The following CCDC148 variants were observed in gnomAD, a reference collection of about 807,000 sequenced individuals.
CCDC148 encodes the protein coiled-coil domain containing 148.
Under a neutral mutation model 85.7 loss-of-function variants are expected in CCDC148, and 89 were observed. The ratio of observed to expected loss-of-function variants is 1.04; its 90% CI spans 0.87 to 1.24. CCDC148 has a LOEUF of 1.24. Ranked by LOEUF, CCDC148 falls within the 50% of genes most tolerant of loss-of-function variation. The pLI is 0.00. For missense variants in CCDC148, 692 were observed against 671.7 expected (o/e 1.03, Z -0.33); for synonymous variants, 230 against 213.9 (o/e 1.08, Z -0.66).
intron 9 of CCDC148, among the ~76,000 whole-genome samples, chr2:158,285,957 T>A (rs1356558678): frequency 6.6e-6 from 1 of 151,982 alleles, no homozygotes; most frequent in Non-Finnish European, 1.5e-5. Flanking sequence ...AGCAAGGCAA[T>A]AAAAATAAGT....
intron 11 of CCDC148, among the ~76,000 whole-genome samples, chr2:158,211,750 CT>C (rs1686589521): frequency 6.6e-6 from 1 of 152,230 alleles, no homozygotes; most frequent in East Asian, 1.9e-4. Context: ...TCCAAGACCT[CT>C]TGAATGACCT....
intron 11 of CCDC148, among the ~76,000 whole-genome samples, chr2:158,196,027 C>G (rs1394931187): frequency 1.3e-5 from 2 of 152,130 alleles, no homozygotes; most frequent in African/African-American, 4.8e-5. Context: ...CTTCCATCAG[C>G]TGGGGTGCCT....
chr2:158,350,883 C>G (rs2105255838), intron 2 of CCDC148, among the ~76,000 whole-genome samples: 1 of 152,088 alleles, frequency 6.6e-6, no homozygotes, highest in African/African-American at 2.4e-5. Flanking sequence ...TTTATCATTT[C>G]TTTGTGGGGA....
At chr2:158,219,980 CTA>C (rs1056665014) in intron 11 of CCDC148, among the ~76,000 whole-genome samples, 1 of 152,136 alleles carries the variant, frequency 6.6e-6, no homozygotes, top group Non-Finnish European at 1.5e-5. Context: ...GTTCAAATTA[CTA>C]TATGTTTTTT....
chr2:158,251,009 C>CT (rs1688771826), intron 9 of CCDC148, 97 bp from the exon 10 acceptor site: 2 of 1,094,504 alleles, frequency 1.8e-6, no homozygotes, highest in African/African-American at 1.6e-5. Context: ...GCAGATGTCA[C>CT]TTTTTTTCCA....
At chr2:158,264,633 T>C (rs2105155925) in intron 9 of CCDC148, among the ~76,000 whole-genome samples, 1 of 151,970 alleles carries the variant, frequency 6.6e-6, no homozygotes, top group African/African-American at 2.4e-5. Context: ...AATGTAAAAT[T>C]AAGGGGCTAT....
Position 158,358,570 on chromosome 2 carries a change from T to C in CCDC148, c.26A>G (p.Asp9Gly). ...ATTTTTCATATGGAATACCAGATTA[T>C]CTATTAGTCATAAAAATAGAAAAAT... MCAASASP[D>G]NLVFHMKNEM... Residue 9 changes from aspartate to glycine, a missense_variant and splice_region_variant, in exon 2 of 14, where the codon GAT becomes GGT. Coordinates refer to ENST00000283233, the MANE Select transcript of CCDC148 (RefSeq NM_138803.4). The C allele has an allele frequency of 6.5e-7, 1 of 1,546,432 alleles. No individual in the cohort carries two copies.
At chr2:158,429,238 A>G (rs1441526429) in intron 1 of CCDC148, among the ~76,000 whole-genome samples, 2 of 152,166 alleles carry the variant, frequency 1.3e-5, no homozygotes, top group Non-Finnish European at 2.9e-5. Flanking sequence ...ATACTTACGT[A>G]ACAAACCTGC....
chr2:158,172,020 A>G lies in CCDC148; in HGVS notation c.*93T>C. On this transcript the variant is annotated 3_prime_UTR_variant, in exon 14 of 14. Transcript: ENST00000283233. ...AGATGCTATGATTTCTATGTCTGAT[A>G]TTTCAAACATTTTAGAAAGTAGTAA... 1 of 984,554 alleles carries G rather than the reference A, an allele frequency of 1.0e-6. No individual in the cohort carries two copies. Among genetic ancestry groups the G allele is most frequent in the Non-Finnish European group, 1.5e-6 (1 of 688,290 alleles). 61.0% of individuals were successfully genotyped at this position (984,554 alleles called of 1,614,324 possible).
At chr2:158,442,728 C>T (rs1274388601) in intron 1 of CCDC148, among the ~76,000 whole-genome samples, 1 of 152,256 alleles carries the variant, frequency 6.6e-6, no homozygotes, top group South Asian at 2.1e-4. Context: ...CCAGCCTGCG[C>T]TGAAGTCACT....
intron 10 of CCDC148, among the ~76,000 whole-genome samples, chr2:158,250,510 CTTTT>C (rs11338184): frequency 0.048 from 7,024 of 145,386 alleles, 568 homozygotes; most frequent in African/African-American, 0.17. Flanking sequence ...ACAACCTTGT[CTTTT>C]TTTTTTTTTT....
chr2:158,261,830 G>A (rs1352308188), intron 9 of CCDC148, among the ~76,000 whole-genome samples: 1 of 152,036 alleles, frequency 6.6e-6, no homozygotes, highest in African/African-American at 2.4e-5. Flanking sequence ...TCTCACACCA[G>A]TCACAATGGC....
intron 2 of CCDC148, among the ~76,000 whole-genome samples, chr2:158,348,104 T>C (rs1458435771): frequency 6.6e-6 from 1 of 152,088 alleles, no homozygotes; most frequent in Non-Finnish European, 1.5e-5. Context: ...TCCTGTGACC[T>C]AGCAAATTCA....
At chr2:158,215,359 G>T (rs908236359) in intron 11 of CCDC148, among the ~76,000 whole-genome samples, 5 of 152,072 alleles carry the variant, frequency 3.3e-5, no homozygotes, top group African/African-American at 9.7e-5. Context: ...GTATCATTTT[G>T]AAGTTTGTGC....
chr2:158,310,999 C>T (rs879220136), intron 8 of CCDC148, among the ~76,000 whole-genome samples: 3 of 151,966 alleles, frequency 2.0e-5, no homozygotes, highest in Admixed American at 1.3e-4. Flanking sequence ...ACTGGGCGGC[C>T]GGGCAGAGGG....
At chr2:158,274,294 A>G (rs1689826492) in intron 9 of CCDC148, among the ~76,000 whole-genome samples, 1 of 152,186 alleles carries the variant, frequency 6.6e-6, no homozygotes, top group Non-Finnish European at 1.5e-5. Flanking sequence ...TTTACATTAA[A>G]GTATGAAAAG....
chr2:158,244,534 C>A (rs1013013510), intron 10 of CCDC148, among the ~76,000 whole-genome samples: 3 of 152,066 alleles, frequency 2.0e-5, no homozygotes, highest in South Asian at 4.1e-4. Context: ...GCCATCAGCC[C>A]GGGCCACCCT....
intron 1 of CCDC148, among the ~76,000 whole-genome samples, chr2:158,382,793 C>T (rs1195686012): frequency 6.0e-5 from 9 of 150,364 alleles, no homozygotes; most frequent in East Asian, 4.0e-4. Context: ...TGGTGGCAGA[C>T]GCCTGTAATC....
At position 158,217,370 on chromosome 2, in the gene CCDC148, G is replaced by GTATATATATATATATA. The variant is rs1453254522; in HGVS notation, c.1370+3224_1370+3225insTATATATATATATATA. 9.4e-3 allele frequency among the ~76,000 whole-genome samples: 709 copies of GTATATATATATATATA among 75,308 alleles called. 4 individuals carry two copies. Among genetic ancestry groups the GTATATATATATATATA allele is most frequent in the African/African-American group, 0.026 (658 of 25,434 alleles). 49.4% of individuals were successfully genotyped at this position (75,308 alleles called of 152,430 possible). A position where few individuals can be genotyped will look rare whatever the true frequency, so the allele number is the denominator to read the frequency against. On this transcript the variant is annotated intron_variant, in intron 11 of 13. Coordinates refer to ENST00000283233, the MANE Select transcript of CCDC148 (RefSeq NM_138803.4). ...TATATATATATAAAATTTTGTGTGT[G>GTATATATATATATATA]TGTGTATATATATATATATATATAC... is the stretch of plus-strand genomic sequence containing the variant.
Sources: allele counts gnomAD v4.1 joint callset (sites outside exome capture counted in the v4.1 genomes callset), GRCh38; gene constraint gnomAD v4.1.1; transcripts MANE v1.5; gene names NCBI Gene and HGNC (gene_info 2026-07-23, HGNC 2026-07-21).